The following SEPTIN10 variants were observed in gnomAD, a reference collection of about 807,000 sequenced individuals.
SEPTIN10 encodes the protein septin 10, also known as septin-10.
Under a neutral mutation model 54.8 loss-of-function variants are expected in SEPTIN10, and 66 were observed. That is an observed-to-expected ratio of 1.21 (90% CI 0.99 to 1.48). SEPTIN10 has a LOEUF of 1.48. SEPTIN10 is among the 40% of genes most tolerant of loss of function. SEPTIN10 has a pLI of 0.00. For synonymous variants in SEPTIN10, 161 were observed against 181.0 expected (o/e 0.89, Z 0.89); for missense variants, 620 against 545.6 (o/e 1.14, Z -1.36).
At chr2:109,600,402 A>G (rs1696356123) in intron 1 of SEPTIN10, among the ~76,000 whole-genome samples, 1 of 152,074 alleles carries the variant, frequency 6.6e-6, no homozygotes, top group African/African-American at 2.4e-5. Flanking sequence ...CTGTATAACC[A>G]TCAATTATTC....
intron 1 of SEPTIN10, among the ~76,000 whole-genome samples, chr2:109,602,736 A>C (rs917391115): frequency 5.3e-5 from 8 of 151,826 alleles, no homozygotes; most frequent in Admixed American, 2.0e-4. Flanking sequence ...AAAAGAGAGC[A>C]TGTTCCATGC....
chr2:109,584,647 A>G (rs1380330509), intron 4 of SEPTIN10, among the ~76,000 whole-genome samples: 1 of 152,186 alleles, frequency 6.6e-6, no homozygotes, highest in Non-Finnish European at 1.5e-5. Context: ...ATAGAGACAC[A>G]AGGTAAAATA....
intron 4 of SEPTIN10, among the ~76,000 whole-genome samples, chr2:109,584,790 A>G (rs1692086265): frequency 6.6e-6 from 1 of 151,912 alleles, no homozygotes; most frequent in South Asian, 2.1e-4. Context: ...TATGTCTTGT[A>G]TTTTTTTTCT....
intron 1 of SEPTIN10, chr2:109,605,481 A>G (rs1289662516): frequency 3.0e-5 from 4 of 133,956 alleles, no homozygotes; most frequent in African/African-American, 1.1e-4. Context: ...AAAAAATAAT[A>G]ATAAATAAAT....
intron 8 of SEPTIN10, among the ~76,000 whole-genome samples, chr2:109,555,764 C>T (rs948886410): frequency 2.0e-5 from 3 of 152,218 alleles, no homozygotes; most frequent in African/African-American, 4.8e-5. Flanking sequence ...TAAATACAAA[C>T]GGCTTAAGAA....
At chr2:109,591,080 G>A (rs1693956039) in intron 2 of SEPTIN10, among the ~76,000 whole-genome samples, 1 of 152,162 alleles carries the variant, frequency 6.6e-6, no homozygotes, top group African/African-American at 2.4e-5. Context: ...CAGAAAACTA[G>A]TACACTATAT....
chr2:109,604,261 T>C (rs1321217025), intron 1 of SEPTIN10, among the ~76,000 whole-genome samples: 3 of 148,546 alleles, frequency 2.0e-5, no homozygotes, highest in East Asian at 4.0e-4. Context: ...GGAGAATTGC[T>C]TGAACCTAGG....
chr2:109,613,644 C>T, intron 1 of SEPTIN10, 154 bp downstream of exon 1: 1 of 477,002 alleles, frequency 2.1e-6, no homozygotes, highest in Non-Finnish European at 3.1e-6. Flanking sequence ...AGGCGCCCGG[C>T]CGCCGCGGAA....
chr2:109,556,980 T>C (rs1378285525), intron 8 of SEPTIN10, among the ~76,000 whole-genome samples: 2 of 151,938 alleles, frequency 1.3e-5, no homozygotes, highest in Non-Finnish European at 2.9e-5. Context: ...ATGAGAACAC[T>C]TGGACACAGG....
intron 10 of SEPTIN10, chr2:109,545,487 T>A: frequency 3.3e-6 from 5 of 1,536,166 alleles, no homozygotes; most frequent in Non-Finnish European, 4.4e-6. Flanking sequence ...CGTCCACCAT[T>A]GGTTTCACAA....
chr2:109,582,309 C>T (rs758483159), intron 4 of SEPTIN10, among the ~76,000 whole-genome samples: 14 of 151,964 alleles, frequency 9.2e-5, no homozygotes, highest in Non-Finnish European at 8.8e-5. Context: ...ACAGACTCAA[C>T]GCTATTGCTG....
chr2:109,546,103 G>A lies in SEPTIN10; in HGVS notation c.1296C>T (p.Ser432=). 6.2e-7 allele frequency: 1 copy of A among 1,610,046 alleles called. No homozygotes were observed. The highest frequency in any genetic ancestry group is 1.1e-5 in the South Asian group (1 of 90,610). Residue 432 remains serine, a synonymous_variant, in exon 10 of 11, where the codon AGC becomes AGT. Transcript: ENST00000397712. ...KKKATSEIFH[S]QSFLATGSNL... is the part of the protein sequence containing the mutation. ...TGCTGCCTGTTGCCAGAAAGGACTG[G>A]CTGTGAAATATCTCGGAGGTAGCTT... is the stretch of plus-strand genomic sequence containing the variant.
In SEPTIN10 at chr2:109,613,850, A is replaced by G; in HGVS notation, c.-23T>C. 1 of 1,236,458 alleles carries G rather than the reference A, an allele frequency of 8.1e-7. No homozygotes were observed. Among genetic ancestry groups the G allele is most frequent in the Non-Finnish European group, 1.0e-6 (1 of 991,624 alleles). 76.6% of individuals were successfully genotyped at this position (1,236,458 alleles called of 1,614,324 possible). A position where few individuals can be genotyped will look rare whatever the true frequency, so the allele number is the denominator to read the frequency against. ...CATGGTCGCGGGCAGGGGCACGGTG[A>G]AGCGGCTGTATCAGCCCGGCCCCGA... On this transcript the variant is annotated 5_prime_UTR_variant, in exon 1 of 11. Coordinates refer to ENST00000397712, the MANE Select transcript of SEPTIN10 (RefSeq NM_144710.5).
chr2:109,545,487 T>G, intron 10 of SEPTIN10: 1 of 1,536,166 alleles, frequency 6.5e-7, no homozygotes, highest in Non-Finnish European at 8.7e-7. Context: ...CGTCCACCAT[T>G]GGTTTCACAA....
chr2:109,546,827 C>T (rs1421228567), intron 9 of SEPTIN10, among the ~76,000 whole-genome samples: 2 of 152,038 alleles, frequency 1.3e-5, no homozygotes, highest in Non-Finnish European at 2.9e-5. Flanking sequence ...TAAAAATACT[C>T]ATCATAGTAG....
At chr2:109,584,480 A>G (rs1202198448) in intron 4 of SEPTIN10, among the ~76,000 whole-genome samples, 2 of 151,426 alleles carry the variant, frequency 1.3e-5, no homozygotes, top group Non-Finnish European at 2.9e-5. Flanking sequence ...GTCTCAAAAA[A>G]AAAAAAAAAA....
intron 1 of SEPTIN10, among the ~76,000 whole-genome samples, chr2:109,602,631 C>T (rs1356862172): frequency 1.3e-5 from 2 of 149,370 alleles, no homozygotes; most frequent in African/African-American, 2.5e-5. Flanking sequence ...GCCGAGATCG[C>T]ACCATTGCAC....
chr2:109,545,380 C>T (rs1184472216), intron 10 of SEPTIN10: 3 of 1,523,406 alleles, frequency 2.0e-6, no homozygotes, highest in African/African-American at 2.8e-5. Context: ...GATTTTAACA[C>T]ATACCCCAAA....
Position 109,576,404 on chromosome 2 carries a change from A to T in SEPTIN10, c.414-1637T>A, listed in dbSNP as rs556999923. 1.3e-4 allele frequency among the ~76,000 whole-genome samples: 20 copies of T among 152,194 alleles called. No individual in the cohort carries two copies. The South Asian group carries it at 3.5e-3, about 27-fold the overall frequency. Reference sequence around the variant, plus strand: ...GTGAGCCACCACACCCGGCCTCAAAAAATGATATTTTTTTTAATAAGTAAA... The same window carrying T: ...GTGAGCCACCACACCCGGCCTCAAATAATGATATTTTTTTTAATAAGTAAA... On this transcript the variant is annotated intron_variant, in intron 4 of 10. Coordinates refer to ENST00000397712, the MANE Select transcript of SEPTIN10 (RefSeq NM_144710.5).
Sources: gnomAD v4.1 joint callset for allele counts (sites outside exome capture counted in the v4.1 genomes callset) on GRCh38, gnomAD v4.1.1 for gene constraint, MANE v1.5 for transcripts, NCBI Gene and HGNC (gene_info 2026-07-23, HGNC 2026-07-21) for gene names.